Variants in VAV2 observed in about 807,000 individuals in gnomAD.
VAV2 encodes guanine nucleotide exchange factor VAV2.
A neutral mutation model predicts 132.5 loss-of-function variants in VAV2; 67 were observed. That is an observed-to-expected ratio of 0.51 (90% CI 0.42 to 0.62). The LOEUF (loss-of-function observed/expected upper bound fraction) is 0.62. Among genes scored for constraint, VAV2 ranks in the 20% least tolerant of loss-of-function variants. The pLI is 0.00. For missense variants in VAV2, 938 were observed against 1,153.6 expected (o/e 0.81, Z 2.71); for synonymous variants, 492 against 443.5 (o/e 1.11, Z -1.37).
At chr9:133,891,267 G>A (rs75387336) in intron 2 of VAV2, among the ~76,000 whole-genome samples, 3 of 134,426 alleles carry the variant, frequency 2.2e-5, no homozygotes, top group Non-Finnish European at 4.8e-5. Flanking sequence ...GGAGGGATGG[G>A]GGGGAGGGTG....
intron 1 of VAV2, among the ~76,000 whole-genome samples, chr9:133,943,305 C>T (rs777975638): frequency 3.9e-5 from 6 of 152,212 alleles, no homozygotes; most frequent in Non-Finnish European, 8.8e-5. Context: ...GAGGTTGCTG[C>T]AGGTGCATCA....
In VAV2 at chr9:133,788,233, C is replaced by CCCCCCCCG; in HGVS notation, c.1407+120_1407+121insCGGGGGGG. On this transcript the variant is annotated intron_variant, in intron 15 of 29. Coordinates refer to ENST00000371850, the MANE Select transcript of VAV2 (RefSeq NM_001134398.2). The surrounding 1 kb of genome is among the most constrained non-coding windows in gnomAD (Gnocchi z 5.3). ...TGCAGAGCGGAGACGCCCACCCCAA[C>CCCCCCCCG]CCACCCGGCCAGCATCAGCGGCTGA... 1.9e-6 allele frequency: 1 copy of CCCCCCCCG among 538,098 alleles called. No homozygotes were observed. Among genetic ancestry groups the CCCCCCCCG allele is most frequent in the Non-Finnish European group, 3.2e-6 (1 of 309,866 alleles). The allele number at this position is 538,098 out of a possible 1,614,324, so 33.3% of individuals were successfully genotyped here.
At chr9:133,855,650 C>T (rs540442826) in intron 3 of VAV2, among the ~76,000 whole-genome samples, 6 of 152,226 alleles carry the variant, frequency 3.9e-5, no homozygotes, top group East Asian at 1.9e-4. Context: ...CAGCTCCCCC[C>T]GCACATGGGA....
rs1838620460 is a variant in VAV2, at chr9:133,884,411, G to A, written c.322-22979C>T. Among the ~76,000 whole-genome samples, 1 of 152,188 alleles carries A rather than the reference G, an allele frequency of 6.6e-6. No homozygotes were observed. ...AGGCGCTTGGGTGCTCACTGCAGTG[G>A]GCTGGCTGCCCTTCTCAACGCCCGC... On this transcript the variant is annotated intron_variant, in intron 2 of 29. Coordinates refer to ENST00000371850, the MANE Select transcript of VAV2 (RefSeq NM_001134398.2). This position sits in a 1 kb window ranked among gnomAD's most constrained non-coding sequence, Gnocchi z 5.3.
chr9:133,983,813 C>A (rs180734073), intron 1 of VAV2, among the ~76,000 whole-genome samples: 1 of 144,068 alleles, frequency 6.9e-6, no homozygotes, highest in African/African-American at 2.5e-5. Context: ...CCACCCCACG[C>A]TCCCCGGCTC....
In VAV2 at chr9:133,834,158, G is replaced by T; in HGVS notation, c.449+114C>A. ...GAGATGCCCCGGTGGGAAGGGCCAG[G>T]GCCAGCTCTGCCTGCACTGTGGCCG... On this transcript the variant is annotated intron_variant, in intron 4 of 29. Transcript: ENST00000371850. The surrounding 1 kb of genome is among the most constrained non-coding windows in gnomAD (Gnocchi z 5.9). 8.0e-7 allele frequency: 1 copy of T among 1,242,360 alleles called. No homozygotes were observed. Among genetic ancestry groups the T allele is most frequent in the Non-Finnish European group, 1.1e-6 (1 of 885,896 alleles). 77.0% of individuals were successfully genotyped at this position (1,242,360 alleles called of 1,614,324 possible).
In VAV2 at chr9:133,933,194, A is replaced by G. The variant is rs1265871610; in HGVS notation, c.321+5909T>C. ...CACAGAGGAAAGACTCCAGTGTCCAAGGCTGATTGTGGGCCAGAGCCAGCA... is the reference window on the plus strand; with the variant it reads ...CACAGAGGAAAGACTCCAGTGTCCAGGGCTGATTGTGGGCCAGAGCCAGCA... On this transcript the variant is annotated intron_variant, in intron 2 of 29. Transcript: ENST00000371850. Among the ~76,000 whole-genome samples, 5 of 152,362 alleles carry G rather than the reference A, an allele frequency of 3.3e-5. No homozygotes were observed. The South Asian group carries it at 8.3e-4, about 25-fold the overall frequency.
At chr9:133,938,978 C>T in intron 2 of VAV2, 125 bp downstream of exon 2, 1 of 877,510 alleles carries the variant, frequency 1.1e-6, no homozygotes, top group Non-Finnish European at 1.9e-6. Flanking sequence ...CATGAGGGTG[C>T]AGAAATCCAC....
chr9:133,767,371 A>C (rs551482785), intron 29 of VAV2, among the ~76,000 whole-genome samples: 152 of 152,338 alleles, frequency 1.0e-3, no homozygotes, highest in African/African-American at 3.6e-3. Context: ...GAGAAAAGAA[A>C]AGACGTTTCA....
intron 3 of VAV2, among the ~76,000 whole-genome samples, chr9:133,856,255 GTACTT>G (rs1278294373): frequency 6.6e-6 from 1 of 152,198 alleles, no homozygotes; most frequent in East Asian, 1.9e-4. Context: ...ACTGAATTGC[GTACTT>G]TACAAGGGTT....
intron 2 of VAV2, among the ~76,000 whole-genome samples, chr9:133,865,770 T>A (rs1300932858): frequency 6.6e-6 from 1 of 152,370 alleles, no homozygotes; most frequent in Non-Finnish European, 1.5e-5. Context: ...AGATTATATG[T>A]ATTGTGTATA....
At chr9:133,929,163 G>A (rs192103134) in intron 2 of VAV2, among the ~76,000 whole-genome samples, 80 of 152,216 alleles carry the variant, frequency 5.3e-4, no homozygotes, top group African/African-American at 1.9e-3. Context: ...CCTGATCCTC[G>A]GCATCACAAC....
chr9:133,839,429 G>A (rs1038336188), intron 3 of VAV2, among the ~76,000 whole-genome samples: 2 of 151,888 alleles, frequency 1.3e-5, no homozygotes, highest in African/African-American at 2.4e-5. Flanking sequence ...TGAAATGGCA[G>A]CCTCAAATTA....
At position 133,784,405 on chromosome 9, in the gene VAV2, G is replaced by T. The variant is rs1834136569; in HGVS notation, c.1546C>A (p.Pro516Thr). ...QFEMAMSNIK[P>T]DKANANHHSF... The stretch of plus-strand genomic sequence containing the variant: ...TGGTGGTTGGCATTGGCTTTGTCTG[G>T]CTTGATGTTTGACCTGGCAGGAGGG... The change falls in exon 18 of 30, where the codon CCA becomes ACA. Residue 516 changes from proline to threonine, a missense_variant. Physicochemically the swap from Pro to Thr is conservative, Grantham distance 38. Transcript: ENST00000371850. 5.6e-6 allele frequency: 9 copies of T among 1,614,072 alleles called. No homozygotes were observed. The highest frequency in any genetic ancestry group is 7.6e-6 in the Non-Finnish European group (9 of 1,180,010).
At chr9:133,785,922 C>T (rs781309433) in intron 16 of VAV2, 37 bp from the exon 17 acceptor site, 40 of 1,567,582 alleles carry the variant, frequency 2.6e-5, no homozygotes, top group African/African-American at 2.7e-5. Flanking sequence ...GCAATAGACA[C>T]GGCTTCAGAC....
intron 3 of VAV2, among the ~76,000 whole-genome samples, chr9:133,847,974 C>T (rs1837003765): frequency 6.6e-6 from 1 of 152,156 alleles, no homozygotes; most frequent in South Asian, 2.1e-4. Flanking sequence ...TGGGTCTCCT[C>T]ATGTAAAGAT....
chr9:133,925,986 C>A (rs2132090400), intron 2 of VAV2: 1 of 108,584 alleles, frequency 9.2e-6, no homozygotes, highest in East Asian at 2.7e-4. Flanking sequence ...ACTTAATTAA[C>A]TGTGGACATG....
At chr9:133,904,027 A>G (rs552143330) in intron 2 of VAV2, among the ~76,000 whole-genome samples, 1 of 152,250 alleles carries the variant, frequency 6.6e-6, no homozygotes, top group East Asian at 1.9e-4. Context: ...TTATAAAATC[A>G]TGTTGACCAA....
At position 133,889,411 on chromosome 9, in the gene VAV2, G is replaced by A. The variant is rs774588344; in HGVS notation, c.322-27979C>T. Among the ~76,000 whole-genome samples the A allele has an allele frequency of 9.3e-4, 142 of 152,270 alleles. 2 individuals are homozygous for A. Among genetic ancestry groups the A allele is most frequent in the Non-Finnish European group, 7.9e-4 (54 of 67,998 alleles). On this transcript the variant is annotated intron_variant, in intron 2 of 29. Coordinates refer to ENST00000371850, the MANE Select transcript of VAV2 (RefSeq NM_001134398.2). ...CTAAGAGCCTAGGAGTCAAAGGGGT[G>A]GGGGAAGGCGGCCACTGGCACAGTG...
Sources: allele counts gnomAD v4.1 joint callset (sites outside exome capture counted in the v4.1 genomes callset), GRCh38; gene constraint gnomAD v4.1.1; non-coding constraint Gnocchi (gnomAD v3.1); transcripts MANE v1.5; gene names NCBI Gene and HGNC (gene_info 2026-07-23, HGNC 2026-07-21).